The following CCDC30 variants were observed in gnomAD, a reference collection of about 807,000 sequenced individuals.
CCDC30 encodes coiled-coil domain containing 30, also known as coiled-coil domain-containing protein 30.
Under a neutral mutation model 100.2 loss-of-function variants are expected in CCDC30, and 70 were observed. That is an observed-to-expected ratio of 0.70 (90% CI 0.58 to 0.85). The LOEUF (loss-of-function observed/expected upper bound fraction) is 0.85. Among genes scored for constraint, CCDC30 ranks in the 40% least tolerant of loss-of-function variants. The pLI is 0.00. For missense variants in CCDC30, 652 were observed against 771.2 expected, an observed-to-expected ratio of 0.85 and a Z score of 1.83; for synonymous variants, 233 against 269.5, an observed-to-expected ratio of 0.86 and a Z score of 1.33.
At chr1:42,597,633 A>C (rs1350842704) in intron 10 of CCDC30, among the ~76,000 whole-genome samples, 1 of 53,876 alleles carries the variant, frequency 1.9e-5, no homozygotes, top group African/African-American at 5.3e-5. Flanking sequence ...CCATCCCTAC[A>C]AAAAAAAAAA....
intron 6 of CCDC30, among the ~76,000 whole-genome samples, chr1:42,510,529 C>T (rs1420474195): frequency 3.3e-5 from 5 of 151,984 alleles, no homozygotes; most frequent in African/African-American, 7.2e-5. Context: ...TGGTGGCACA[C>T]GCCTGTGGTC....
chr1:42,609,429 CA>C (rs1195100889), intron 10 of CCDC30, among the ~76,000 whole-genome samples: 2 of 152,044 alleles, frequency 1.3e-5, no homozygotes, highest in Non-Finnish European at 2.9e-5. Flanking sequence ...GGTGGGGAGT[CA>C]AAAAAATCAT....
chr1:42,541,916 A>T (rs1391285642), intron 6 of CCDC30, among the ~76,000 whole-genome samples: 1 of 152,210 alleles, frequency 6.6e-6, no homozygotes, highest in African/African-American at 2.4e-5. Context: ...AATGAGTATG[A>T]TCATGTAGAC....
chr1:42,610,477 G>T (rs1646596619), intron 10 of CCDC30, among the ~76,000 whole-genome samples: 1 of 152,154 alleles, frequency 6.6e-6, no homozygotes, highest in Non-Finnish European at 1.5e-5. Flanking sequence ...AGGCTGGAGT[G>T]TGGTGGCATG....
At chr1:42,566,511 T>C (rs746779043) in intron 7 of CCDC30, 36 bp downstream of exon 11, 1 of 1,563,790 alleles carries the variant, frequency 6.4e-7, no homozygotes, top group South Asian at 1.1e-5. Context: ...TGGAAGGGTT[T>C]CAGTTGGCCC....
chr1:42,563,477 G>A (rs1557857623), intron 6 of CCDC30, among the ~76,000 whole-genome samples: 1 of 151,954 alleles, frequency 6.6e-6, no homozygotes, highest in Non-Finnish European at 1.5e-5. Flanking sequence ...TGAGGGGAGG[G>A]AACTTAGAGG....
At chr1:42,605,738 C>T (rs1465476652) in intron 10 of CCDC30, among the ~76,000 whole-genome samples, 2 of 152,128 alleles carry the variant, frequency 1.3e-5, no homozygotes, top group African/African-American at 4.8e-5. Context: ...CCACCTGCCT[C>T]GGCCTCCCAA....
chr1:42,650,164 G>A (rs918452164), intron 15 of CCDC30, among the ~76,000 whole-genome samples: 1 of 152,058 alleles, frequency 6.6e-6, no homozygotes, highest in African/African-American at 2.4e-5. Flanking sequence ...GAACAAAGCT[G>A]GAGGCCTCAT....
At position 42,465,276 on chromosome 1, in the gene CCDC30, G is replaced by C. The variant is rs57379143; in HGVS notation, c.-92+1378G>C. Reference sequence around the variant, plus strand: ...CAGTGAGCTATGATCGCACCACTGCGCTCCAACCTGGGCTACAGAGTGAGA... The same window carrying C: ...CAGTGAGCTATGATCGCACCACTGCCCTCCAACCTGGGCTACAGAGTGAGA... On this transcript the variant is annotated intron_variant, in intron 1 of 16. Coordinates refer to ENST00000668663, the Ensembl canonical transcript of CCDC30. 6.1e-3 allele frequency among the ~76,000 whole-genome samples: 922 copies of C among 152,196 alleles called. 6 individuals carry two copies. Among genetic ancestry groups the C allele is most frequent in the African/African-American group, 0.021 (860 of 41,502 alleles).
At chr1:42,656,505 C>G (rs139890179), downstream of CCDC30, among the ~76,000 whole-genome samples, 603 of 152,244 alleles carry the variant, frequency 4.0e-3, 3 homozygotes, top group African/African-American at 0.014. Context: ...GTGGTGCACA[C>G]CTGTAGTCCC....
At chr1:42,650,807 T>C (rs1408372571) in intron 15 of CCDC30, among the ~76,000 whole-genome samples, 1 of 152,006 alleles carries the variant, frequency 6.6e-6, no homozygotes, top group African/African-American at 2.4e-5. Flanking sequence ...TTTAAATTTT[T>C]TGTAGCGATG....
chr1:42,539,032 T>C (rs1368076664), intron 6 of CCDC30, 141 bp from the exon 8 acceptor site: 6 of 535,562 alleles, frequency 1.1e-5, no homozygotes, highest in African/African-American at 2.0e-5. Context: ...AAGGCATCGG[T>C]CTGCCAGAAG....
exon 11 of CCDC30, chr1:42,610,985 A>G (rs752117302): frequency 8.1e-6 from 13 of 1,599,428 alleles, no homozygotes; most frequent in Non-Finnish European, 1.1e-5. Context: ...CAGCATGTCA[A>G]AAGCAACCAG....
At chr1:42,649,669 T>C (rs1476328017) in intron 15 of CCDC30, among the ~76,000 whole-genome samples, 11 of 152,188 alleles carry the variant, frequency 7.2e-5, no homozygotes. Context: ...TGTCTACTTG[T>C]TGACATGATC....
intron 14 of CCDC30, 114 bp downstream of exon 18, chr1:42,644,921 C>T: frequency 1.5e-6 from 1 of 674,636 alleles, no homozygotes; most frequent in Non-Finnish European, 2.6e-6. Context: ...CTCTTGGCCT[C>T]ATGGTAGGCT....
chr1:42,502,167 TC>T (rs1469798957), intron 6 of CCDC30, among the ~76,000 whole-genome samples: 1 of 152,106 alleles, frequency 6.6e-6, no homozygotes, highest in Admixed American at 6.5e-5. Context: ...TGGGCACCCC[TC>T]CCCAAGCCTC....
chr1:42,637,868 A>C (rs1452696127), intron 12 of CCDC30, among the ~76,000 whole-genome samples: 1 of 152,212 alleles, frequency 6.6e-6, no homozygotes, highest in Non-Finnish European at 1.5e-5. Flanking sequence ...GGGACAGATG[A>C]ATAGAATCAA....
intron 10 of CCDC30, 135 bp downstream of exon 14, chr1:42,589,618 G>A (rs910333124): frequency 2.8e-6 from 2 of 716,896 alleles, no homozygotes; most frequent in Non-Finnish European, 4.6e-6. Context: ...ATCTACTCTA[G>A]GTATTTCAAG....
chr1:42,475,664 CT>C (rs1386882294), intron 1 of CCDC30, among the ~76,000 whole-genome samples: 3 of 152,136 alleles, frequency 2.0e-5, no homozygotes, highest in Admixed American at 2.0e-4. Flanking sequence ...TTCTGCCTGT[CT>C]TTTAAAAAAG....
Sources: allele counts gnomAD v4.1 joint callset (sites outside exome capture counted in the v4.1 genomes callset), GRCh38; gene constraint gnomAD v4.1.1; transcripts MANE v1.5; gene names NCBI Gene and HGNC (gene_info 2026-07-23, HGNC 2026-07-21).